Variants in TMEM37 observed in about 807,000 individuals in gnomAD.
TMEM37 encodes the protein transmembrane protein 37.
A neutral mutation model predicts 11.0 loss-of-function variants in TMEM37; 12 were observed. That is an observed-to-expected ratio of 1.09 (90% CI 0.70 to 1.76). TMEM37 has a LOEUF of 1.76. Among genes scored for constraint, TMEM37 ranks in the 40% most tolerant of loss-of-function variants. The probability of loss-of-function intolerance (pLI) is 0.00; values close to 1 mark genes in which losing one functional copy is unlikely to be tolerated. For synonymous variants in TMEM37, 127 were observed against 110.5 expected (o/e 1.15, Z -0.94); for missense variants, 203 against 251.2 (o/e 0.81, Z 1.30).
chr2:119,430,283 C>G (rs912835975), upstream of TMEM37: 4 of 608,044 alleles, frequency 6.6e-6, no homozygotes, highest in African/African-American at 1.8e-5. Flanking sequence ...GCACCAACAT[C>G]ACTTGAGGCC....
At chr2:119,433,212 G>A (rs187017493) in intron 1 of TMEM37, among the ~76,000 whole-genome samples, 30 of 152,332 alleles carry the variant, frequency 2.0e-4, no homozygotes, top group Non-Finnish European at 3.5e-4. Flanking sequence ...AGCTGGGGAG[G>A]CCACAGGCTC....
rs931831829 is a variant in TMEM37 at position 119,437,673 on chromosome 2, A to G, written c.*233A>G. On this transcript the variant is annotated 3_prime_UTR_variant, in exon 2 of 2. Transcript: ENST00000306406. Reference sequence around the variant, plus strand: ...GGTGCCTCAGTGCCACCAACTGCACAGGCTTAGCCAGATGTTGATTTTAGA... The same window carrying G: ...GGTGCCTCAGTGCCACCAACTGCACGGGCTTAGCCAGATGTTGATTTTAGA... The G allele has an allele frequency of 1.8e-6, 1 of 556,500 alleles. No individual in the cohort carries two copies. Among genetic ancestry groups the G allele is most frequent in the African/African-American group, 1.9e-5 (1 of 52,744 alleles). The allele number at this position is 556,500 out of a possible 1,614,324, so 34.5% of individuals were successfully genotyped here. A position where few individuals can be genotyped will look rare whatever the true frequency, so the allele number is the denominator to read the frequency against.
At chr2:119,435,808 A>G (rs1682484650) in intron 1 of TMEM37, among the ~76,000 whole-genome samples, 1 of 152,218 alleles carries the variant, frequency 6.6e-6, no homozygotes, top group East Asian at 1.9e-4. Flanking sequence ...CTCTGGGTTG[A>G]GTGGGCAGGA....
upstream of TMEM37, among the ~76,000 whole-genome samples, chr2:119,430,742 T>C (rs1682376342): frequency 6.6e-6 from 1 of 152,160 alleles, no homozygotes; most frequent in Non-Finnish European, 1.5e-5. Flanking sequence ...CATTTGAGGA[T>C]GGGGGGAGGG....
intron 1 of TMEM37, among the ~76,000 whole-genome samples, chr2:119,434,515 G>T (rs766546448): frequency 6.6e-6 from 1 of 150,934 alleles, no homozygotes; most frequent in African/African-American, 2.4e-5. Context: ...AATGTCCCAA[G>T]CAGGTACAGG....
chr2:119,433,797 C>T (rs1682448138), intron 1 of TMEM37, among the ~76,000 whole-genome samples: 1 of 152,194 alleles, frequency 6.6e-6, no homozygotes, highest in African/African-American at 2.4e-5. Context: ...TTTTCCACTG[C>T]ACACTTGTCC....
At position 119,437,393 on chromosome 2, in the gene TMEM37, G is replaced by A. The variant is rs561884988; in HGVS notation, c.526G>A (p.Ala176Thr). 4 of 1,614,028 alleles carry A rather than the reference G, an allele frequency of 2.5e-6. No individual in the cohort carries two copies. The highest frequency in any genetic ancestry group is 8.5e-7 in the Non-Finnish European group (1 of 1,180,038). ...TGCCTCCTTCCTCCTCTTCCTGAAC[G>A]CCATCAGCGGCCTTCACATCAACAG... ...FTASFLLFLN[A>T]ISGLHINSIT... Residue 176 changes from alanine (A) to threonine (T), a missense_variant, in exon 2 of 2, where the codon GCC becomes ACC. Coordinates refer to ENST00000306406, the MANE Select transcript of TMEM37 (RefSeq NM_183240.3).
chr2:119,430,492 G>T (rs1682373191), upstream of TMEM37: 1 of 468,778 alleles, frequency 2.1e-6, no homozygotes, highest in Non-Finnish European at 4.4e-6. Context: ...CGTTTGTCAA[G>T]CTCCAGGACT....
rs1403986688 is a variant in TMEM37 at position 119,438,468 on chromosome 2, C to T, written c.*1028C>T. The T allele has an allele frequency of 6.6e-6, 1 of 152,220 alleles. No individual in the cohort carries two copies. The highest frequency in any genetic ancestry group is 1.9e-4 in the East Asian group (1 of 5,192). The allele number at this position is 152,220 out of a possible 1,614,324, so 9.4% of individuals were successfully genotyped here. ...GAGATTTCCATCCTTGCCAGCACGTCTGTACTTCTGTTCATTAAAGTGCTC... is the reference window on the plus strand; with the variant it reads ...GAGATTTCCATCCTTGCCAGCACGTTTGTACTTCTGTTCATTAAAGTGCTC... On this transcript the variant is annotated 3_prime_UTR_variant, in exon 2 of 2. Coordinates refer to ENST00000306406, the MANE Select transcript of TMEM37 (RefSeq NM_183240.3).
In TMEM37 at chr2:119,437,030, G is replaced by A. The variant is rs1355489856; in HGVS notation, c.163G>A (p.Asp55Asn). The A allele has an allele frequency of 6.2e-7, 1 of 1,613,940 alleles. No homozygotes were observed. The highest frequency in any genetic ancestry group is 8.5e-7 in the Non-Finnish European group (1 of 1,179,988). The part of the protein sequence containing the change: ...ICDGHWLLAE[D>N]RLFGLWHFCT... The stretch of plus-strand genomic sequence containing the variant: ...TGATGGGCACTGGCTCCTGGCTGAG[G>A]ACCGCCTCTTCGGGCTCTGGCACTT... The change falls in exon 2 of 2, where the codon GAC becomes AAC. Residue 55 changes from aspartate (D) to asparagine (N), a missense_variant. By Grantham distance (23) the Asp-to-Asn change is conservative. Transcript: ENST00000306406.
Position 119,437,396 on chromosome 2 carries a change from A to T in TMEM37, c.529A>T (p.Ile177Phe). The change falls in exon 2 of 2, where the codon ATC (isoleucine) becomes TTC (phenylalanine). Residue 177 changes from isoleucine (I) to phenylalanine (F), a missense_variant. Coordinates refer to ENST00000306406, the MANE Select transcript of TMEM37 (RefSeq NM_183240.3). ...TASFLLFLNA[I>F]SGLHINSITH... The stretch of plus-strand genomic sequence containing the variant: ...CTCCTTCCTCCTCTTCCTGAACGCC[A>T]TCAGCGGCCTTCACATCAACAGCAT... The T allele has an allele frequency of 6.2e-7, 1 of 1,614,164 alleles. No individual in the cohort carries two copies. The highest frequency in any genetic ancestry group is 8.5e-7 in the Non-Finnish European group (1 of 1,180,014).
upstream of TMEM37, chr2:119,430,187 G>A: frequency 1.6e-6 from 1 of 642,118 alleles, no homozygotes. Context: ...AGGCCCCAGA[G>A]CAGAGAGGCA....
At position 119,432,648 on chromosome 2, in the gene TMEM37, C is replaced by G. The variant is rs546813338; in HGVS notation, c.21+724C>G. On this transcript the variant is annotated intron_variant, in intron 1 of 1. Coordinates refer to ENST00000306406, the MANE Select transcript of TMEM37 (RefSeq NM_183240.3). ...TACCGCTGCCCAGCGGGCGAACTTC[C>G]TTTCCGCGCAACTCGCCCGCTGCAG... 2.8e-4 allele frequency among the ~76,000 whole-genome samples: 42 copies of G among 152,354 alleles called. 1 individual carries two copies. In the South Asian group the frequency reaches 8.3e-3, roughly 30 times the overall value.
At chr2:119,432,115 GGC>G in intron 1 of TMEM37, 191 bp downstream of exon 1, 1 of 386,488 alleles carries the variant, frequency 2.6e-6, no homozygotes, top group East Asian at 3.9e-5. Flanking sequence ...AACCTCGGGG[GGC>G]CTGCCTGCCT....
chr2:119,429,970 T>C, upstream of TMEM37: 2 of 1,550,450 alleles, frequency 1.3e-6, no homozygotes, highest in Non-Finnish European at 1.7e-6. Context: ...TCCAGGCACT[T>C]CCCTCTTGGC....
In TMEM37 at chr2:119,437,375, T is replaced by A. The variant is rs747259632; in HGVS notation, c.508T>A (p.Phe170Ile). 6.2e-7 allele frequency: 1 copy of A among 1,614,248 alleles called. No individual in the cohort carries two copies. Among genetic ancestry groups the A allele is most frequent in the South Asian group, 1.1e-5 (1 of 91,080 alleles). ...LMFWCEFTAS[F>I]LLFLNAISGL... Reference sequence around the variant, plus strand: ...GTTTTGGTGCGAATTCACTGCCTCCTTCCTCCTCTTCCTGAACGCCATCAG... The same window carrying A: ...GTTTTGGTGCGAATTCACTGCCTCCATCCTCCTCTTCCTGAACGCCATCAG... Residue 170 changes from phenylalanine (F) to isoleucine (I), a missense_variant, in exon 2 of 2, where the codon TTC (phenylalanine) becomes ATC (isoleucine). Physicochemically the swap from Phe to Ile is conservative, Grantham distance 21. Coordinates refer to ENST00000306406, the MANE Select transcript of TMEM37 (RefSeq NM_183240.3).
upstream of TMEM37, chr2:119,431,724 G>A (rs2043867): frequency 0.12 from 53,079 of 452,048 alleles, 3,756 homozygotes; most frequent in Admixed American, 0.23. Context: ...TCCGAGCCGC[G>A]GAGGGCGGCG....
At chr2:119,430,386 C>T (rs937349815), upstream of TMEM37, 17 of 479,342 alleles carry the variant, frequency 3.5e-5, no homozygotes, top group Non-Finnish European at 7.3e-5. Context: ...GAACTCAAAC[C>T]TGGACTAGGC....
Position 119,437,457 on chromosome 2 carries a change from C to G in TMEM37, c.*17C>G, listed in dbSNP as rs571892205. 1.9e-6 allele frequency: 3 copies of G among 1,605,480 alleles called. No homozygotes were observed. The South Asian group carries it at 3.3e-5, about 18-fold the overall frequency. ...TGGGAATGACCGTGGAAATTTTAGG[C>G]CCCCTCCAGGGACATCAGATTCCAC... On this transcript the variant is annotated 3_prime_UTR_variant, in exon 2 of 2. Coordinates refer to ENST00000306406, the MANE Select transcript of TMEM37 (RefSeq NM_183240.3).
Sources: allele counts gnomAD v4.1 joint callset (sites outside exome capture counted in the v4.1 genomes callset), GRCh38; gene constraint gnomAD v4.1.1; transcripts MANE v1.5; gene names NCBI Gene and HGNC (gene_info 2026-07-23, HGNC 2026-07-21).